MUSK: variants seen among roughly 807,000 people sequenced by gnomAD.
MUSK encodes muscle, skeletal receptor tyrosine-protein kinase.
A neutral mutation model predicts 88.7 loss-of-function variants in MUSK; 55 were observed. The observed-to-expected ratio is 0.62, with a 90% confidence interval of 0.50 to 0.78. The LOEUF is 0.78. Among genes scored for constraint, MUSK ranks in the 30% least tolerant of loss-of-function variants. The pLI is 0.00. For synonymous variants in MUSK, 387 were observed against 391.9 expected, an observed-to-expected ratio of 0.99 and a Z score of 0.15; for missense variants, 1,015 against 1,074.3, an observed-to-expected ratio of 0.94 and a Z score of 0.77.
chr9:110,729,246 A>G (rs892240341), intron 5 of MUSK, among the ~76,000 whole-genome samples: 11 of 149,206 alleles, frequency 7.4e-5, no homozygotes, highest in African/African-American at 2.7e-4. Context: ...GTTTAGAGGA[A>G]AATAGCTGGA....
At chr9:110,730,365 A>G (rs897333443) in intron 5 of MUSK, among the ~76,000 whole-genome samples, 19 of 152,110 alleles carry the variant, frequency 1.2e-4, no homozygotes, top group African/African-American at 4.3e-4. Flanking sequence ...ACAGTTATAA[A>G]TGCTTTCCAA....
Position 110,747,776 on chromosome 9 carries a change from G to T in MUSK, c.889G>T (p.Ala297Ser), listed in dbSNP as rs1374577863. 8 of 1,613,676 alleles carry T rather than the reference G, an allele frequency of 5.0e-6. No homozygotes were observed. Among genetic ancestry groups the T allele is most frequent in the Admixed American group, 1.7e-5 (1 of 59,980 alleles). ...KHGEKFSTAKAAATISIAEWS... is the reference protein window; with the variant it reads ...KHGEKFSTAKSAATISIAEWS... ...TGGGGAGAAGTTCAGTACTGCCAAGGCTGCAGCCACCATCAGCATAGCAGG... is the reference window on the plus strand; with the variant it reads ...TGGGGAGAAGTTCAGTACTGCCAAGTCTGCAGCCACCATCAGCATAGCAGG... The change falls in exon 7 of 15, where the codon GCT becomes TCT. Residue 297 changes from alanine (A) to serine (S), a missense_variant. Physicochemically the swap from Ala to Ser is moderately conservative, Grantham distance 99. Transcript: ENST00000374448.
intron 3 of MUSK, among the ~76,000 whole-genome samples, chr9:110,690,110 G>T (rs181758669): frequency 0.025 from 1,157 of 47,162 alleles, 12 homozygotes; most frequent in Middle Eastern, 0.062. Context: ...TATAAATATA[G>T]AAATATATAT....
At chr9:110,684,915 C>A (rs2076176449) in intron 2 of MUSK, among the ~76,000 whole-genome samples, 2 of 151,988 alleles carry the variant, frequency 1.3e-5, no homozygotes, top group African/African-American at 2.4e-5. Flanking sequence ...CATTTGTAAA[C>A]AAAGATAATT....
intron 7 of MUSK, among the ~76,000 whole-genome samples, chr9:110,754,222 A>G (rs2077283496): frequency 6.6e-6 from 1 of 152,240 alleles, no homozygotes; most frequent in African/African-American, 2.4e-5. Flanking sequence ...GATGTTCTGC[A>G]GTTAGGCATA....
intron 1 of MUSK, among the ~76,000 whole-genome samples, chr9:110,680,182 T>C (rs965184863): frequency 2.0e-5 from 3 of 152,118 alleles, no homozygotes; most frequent in African/African-American, 7.2e-5. Context: ...CTAACAGTTA[T>C]TTTTACGCAG....
In MUSK at chr9:110,776,642, A is replaced by G. The variant is rs764484972; in HGVS notation, c.1371A>G (p.Lys457=). The change falls in exon 11 of 15, where the codon AAA becomes AAG. Residue 457 remains lysine (K), a synonymous_variant. Coordinates refer to ENST00000374448, the MANE Select transcript of MUSK (RefSeq NM_005592.4). ...TCCTTTCCCCTTCAGATTATAACAA[A>G]GAAAACCTAAAAAGTAAGTAATTGT... is the stretch of plus-strand genomic sequence containing the variant. ...CARLPHLDYN[K]ENLKTFPPMT... 6.3e-7 allele frequency: 1 copy of G among 1,599,114 alleles called. No homozygotes were observed. The highest frequency in any genetic ancestry group is 8.6e-7 in the Non-Finnish European group (1 of 1,168,744).
intron 5 of MUSK, among the ~76,000 whole-genome samples, chr9:110,730,743 T>C (rs926996322): frequency 9.9e-5 from 15 of 152,034 alleles, no homozygotes; most frequent in Non-Finnish European, 1.6e-4. Context: ...ATTTGAAAAA[T>C]GGTAAATTTG....
In MUSK at chr9:110,726,191, C is replaced by T. The variant is rs184655073; in HGVS notation, c.629-8060C>T. 2.6e-4 allele frequency among the ~76,000 whole-genome samples: 39 copies of T among 152,088 alleles called. No homozygotes were observed. The East Asian group carries it at 6.8e-3, about 26-fold the overall frequency. On this transcript the variant is annotated intron_variant, in intron 5 of 14. Transcript: ENST00000374448. ...AAATTTTGATAGTCTATAACTGAAA[C>T]TATAATTTCTGGTAGAACTTCTAAG...
In MUSK at chr9:110,803,127, A is replaced by G. The variant is rs1356353711; in HGVS notation, c.*2139A>G. 6.6e-6 allele frequency among the ~76,000 whole-genome samples: 1 copy of G among 152,214 alleles called. No homozygotes were observed. Among genetic ancestry groups the G allele is most frequent in the African/African-American group, 2.4e-5 (1 of 41,454 alleles). On this transcript the variant is annotated 3_prime_UTR_variant, in exon 15 of 15. Coordinates refer to ENST00000374448, the MANE Select transcript of MUSK (RefSeq NM_005592.4). Reference sequence around the variant, plus strand: ...CTCCGCTGATAAAGTTTTGTTGTAAAAGACAGACATAGAAGTCAGGCTGAC... The same window carrying G: ...CTCCGCTGATAAAGTTTTGTTGTAAGAGACAGACATAGAAGTCAGGCTGAC...
intron 5 of MUSK, among the ~76,000 whole-genome samples, chr9:110,710,492 G>T (rs1183295550): frequency 6.6e-6 from 1 of 152,134 alleles, no homozygotes; most frequent in African/African-American, 2.4e-5. Flanking sequence ...CACTAGTCAA[G>T]CTTCTTGAAT....
intron 5 of MUSK, among the ~76,000 whole-genome samples, chr9:110,726,824 G>A (rs1029012040): frequency 2.6e-5 from 4 of 151,990 alleles, no homozygotes; most frequent in Admixed American, 1.3e-4. Flanking sequence ...CTAGAAAGAT[G>A]TGTCCAGCCC....
intron 5 of MUSK, chr9:110,728,702 G>T (rs755770033): frequency 1.3e-6 from 2 of 1,584,782 alleles, no homozygotes; most frequent in South Asian, 2.3e-5. Flanking sequence ...AAGTGAACCC[G>T]AACAAGATAC....
chr9:110,784,723 T>C, intron 11 of MUSK, 92 bp from the exon 12 acceptor site: 1 of 967,296 alleles, frequency 1.0e-6, no homozygotes, highest in South Asian at 1.8e-5. Flanking sequence ...AATATATTAT[T>C]ATCATGAAAT....
At chr9:110,670,331 T>A (rs2075941354) in intron 1 of MUSK, among the ~76,000 whole-genome samples, 1 of 152,220 alleles carries the variant, frequency 6.6e-6, no homozygotes, top group Non-Finnish European at 1.5e-5. Flanking sequence ...AGGCCCCACC[T>A]GGATGTTTGA....
chr9:110,764,622 G>A (rs2077449925), intron 8 of MUSK, among the ~76,000 whole-genome samples: 1 of 151,868 alleles, frequency 6.6e-6, no homozygotes, highest in Non-Finnish European at 1.5e-5. Flanking sequence ...TAGATAGATA[G>A]ATAGATAGAT....
intron 6 of MUSK, among the ~76,000 whole-genome samples, chr9:110,740,824 C>G (rs1285584714): frequency 2.0e-5 from 3 of 152,090 alleles, no homozygotes; most frequent in African/African-American, 7.2e-5. Context: ...CGGGCCTGAA[C>G]CCTTATTCAA....
At chr9:110,729,596 A>C (rs1014497978) in intron 5 of MUSK, among the ~76,000 whole-genome samples, 9 of 152,020 alleles carry the variant, frequency 5.9e-5, no homozygotes, top group Non-Finnish European at 1.2e-4. Context: ...CAGGTAAAAA[A>C]GCATTTTACC....
At position 110,787,361 on chromosome 9, in the gene MUSK, CAAAAAAAAAAA is replaced by C. The variant is rs10659550; in HGVS notation, c.1779-318_1779-308del. ...TGGATGACAGAGTGAGACTCTGTCT[CAAAAAAAAAAA>C]AAAAAAAAAAGGTTAGGATGGCAAT... On this transcript the variant is annotated intron_variant, in intron 13 of 14. Transcript: ENST00000374448. Among the ~76,000 whole-genome samples the C allele has an allele frequency of 0.047, 4,272 of 91,510 alleles. 85 individuals carry two copies. Among genetic ancestry groups the C allele is most frequent in the Non-Finnish European group, 0.064 (3,098 of 48,162 alleles). 60.0% of individuals were successfully genotyped at this position (91,510 alleles called of 152,430 possible).
Sources: allele counts gnomAD v4.1 joint callset (sites outside exome capture counted in the v4.1 genomes callset), GRCh38; gene constraint gnomAD v4.1.1; transcripts MANE v1.5; gene names NCBI Gene and HGNC (gene_info 2026-07-23, HGNC 2026-07-21).